The following TRMT10B variants were observed in gnomAD, a reference collection of about 807,000 sequenced individuals.
The protein encoded by TRMT10B is tRNA methyltransferase 10B.
In TRMT10B, 33 loss-of-function variants were observed where a neutral mutation model predicts 43.8. The observed-to-expected ratio is 0.75, with a 90% confidence interval of 0.57 to 1.01. TRMT10B has a LOEUF of 1.01. Among genes scored for constraint, TRMT10B ranks in the 50% least tolerant of loss-of-function variants. The probability of loss-of-function intolerance (pLI) is 0.00; values close to 1 mark genes in which losing one functional copy is unlikely to be tolerated. For missense variants in TRMT10B, 362 were observed against 369.8 expected (o/e 0.98, Z 0.17); for synonymous variants, 137 against 130.6 (o/e 1.05, Z -0.34).
At chr9:37,771,941 A>G (rs1158615955) in intron 7 of TRMT10B, among the ~76,000 whole-genome samples, 2 of 152,110 alleles carry the variant, frequency 1.3e-5, no homozygotes, top group Non-Finnish European at 2.9e-5. Flanking sequence ...CCTGGGCTCA[A>G]GCAATCCTCC....
chr9:37,755,063 G>A (rs895103147), intron 1 of TRMT10B, among the ~76,000 whole-genome samples: 1 of 152,100 alleles, frequency 6.6e-6, no homozygotes, highest in Non-Finnish European at 1.5e-5. Flanking sequence ...GAGGTCAGGA[G>A]ATCGAGACCA....
intron 1 of TRMT10B, among the ~76,000 whole-genome samples, chr9:37,756,564 G>T (rs572067997): frequency 2.4e-3 from 358 of 151,936 alleles, no homozygotes; most frequent in Admixed American, 4.1e-3. Context: ...AAATTAGCGT[G>T]GTGTGGTGGT....
intron 4 of TRMT10B, among the ~76,000 whole-genome samples, chr9:37,767,706 G>T (rs928977314): frequency 4.6e-5 from 7 of 151,708 alleles, no homozygotes; most frequent in African/African-American, 1.7e-4. Context: ...TTAGGAAGAA[G>T]GTACCAAATT....
intron 1 of TRMT10B, among the ~76,000 whole-genome samples, 165 bp from the exon 2 acceptor site, chr9:37,761,738 G>C (rs190092218): frequency 3.1e-4 from 47 of 152,290 alleles, no homozygotes; most frequent in Non-Finnish European, 4.1e-4. Context: ...TTTCTCTGCT[G>C]AATCATGTAT....
chr9:37,766,582 G>A (rs1341871626), intron 4 of TRMT10B, among the ~76,000 whole-genome samples: 2 of 152,136 alleles, frequency 1.3e-5, no homozygotes, highest in African/African-American at 4.8e-5. Flanking sequence ...GGTTCCATAT[G>A]AACTTTAAAG....
chr9:37,769,217 A>C (rs1486771143), intron 5 of TRMT10B, among the ~76,000 whole-genome samples: 1 of 143,608 alleles, frequency 7.0e-6, no homozygotes, highest in Non-Finnish European at 1.5e-5. Context: ...CTGAGGCAGG[A>C]GGATCACTTG....
chr9:37,770,124 C>G lies in TRMT10B; in HGVS notation c.652+105C>G, dbSNP rs1371471237. ...CCCTCAAGAAGGACACCCCTCCCCA[C>G]CCCCACAAAAAGTAATGCACATGAG... is the stretch of plus-strand genomic sequence containing the variant. On this transcript the variant is annotated intron_variant, in intron 6 of 8. Coordinates refer to ENST00000297994, the MANE Select transcript of TRMT10B (RefSeq NM_144964.4). 17 of 999,550 alleles carry G rather than the reference C, an allele frequency of 1.7e-5. No individual in the cohort carries two copies. In the East Asian group the frequency reaches 3.8e-4, roughly 22 times the overall value. The allele number at this position is 999,550 out of a possible 1,614,324, so 61.9% of individuals were successfully genotyped here.
At chr9:37,767,707 G>T (rs1283695608) in intron 4 of TRMT10B, among the ~76,000 whole-genome samples, 3 of 151,712 alleles carry the variant, frequency 2.0e-5, no homozygotes, top group Admixed American at 6.6e-5. Flanking sequence ...TAGGAAGAAG[G>T]TACCAAATTT....
intron 6 of TRMT10B, 41 bp downstream of exon 6, chr9:37,770,060 C>G: frequency 6.5e-7 from 1 of 1,538,024 alleles, no homozygotes; most frequent in Non-Finnish European, 9.0e-7. Flanking sequence ...CCCATTGTTC[C>G]TGTGTTTCAT....
At chr9:37,770,128 C>T (rs1326369128) in intron 6 of TRMT10B, 109 bp downstream of exon 6, 1 of 956,460 alleles carries the variant, frequency 1.0e-6, no homozygotes. Flanking sequence ...TCCCCACCCC[C>T]ACAAAAAGTA....
intron 8 of TRMT10B, 90 bp from the exon 9 acceptor site, chr9:37,777,508 TTTG>T: frequency 9.4e-7 from 1 of 1,064,764 alleles, no homozygotes; most frequent in East Asian, 2.4e-5. Flanking sequence ...GCAGAATAGG[TTTG>T]TTGAACGAAA....
chr9:37,762,977 CAAA>C (rs57643861), intron 3 of TRMT10B, among the ~76,000 whole-genome samples: 45 of 85,134 alleles, frequency 5.3e-4, no homozygotes, highest in Admixed American at 1.1e-3. Flanking sequence ...ACTAAAAATA[CAAA>C]AAAAAAAAAA....
chr9:37,772,506 C>T (rs958791616), intron 7 of TRMT10B, among the ~76,000 whole-genome samples: 1 of 152,076 alleles, frequency 6.6e-6, no homozygotes, highest in African/African-American at 2.4e-5. Context: ...GCCTTGAATT[C>T]TTGGACTCAA....
At chr9:37,760,017 A>G (rs1589011138) in intron 1 of TRMT10B, among the ~76,000 whole-genome samples, 1 of 152,308 alleles carries the variant, frequency 6.6e-6, no homozygotes, top group East Asian at 1.9e-4. Context: ...CAAAATCAAG[A>G]TAACTAATGA....
Position 37,778,015 on chromosome 9 carries a change from T to G in TRMT10B, c.*308T>G, listed in dbSNP as rs556713669. ...GCAAGACTCCATCTCAAAAAAAAAA[T>G]AAATAAAAAAAAATGCAGCTGCAGG... On this transcript the variant is annotated 3_prime_UTR_variant, in exon 9 of 9. Transcript: ENST00000297994. The G allele has an allele frequency of 4.9e-6, 1 of 204,416 alleles. No homozygotes were observed. The highest frequency in any genetic ancestry group is 9.9e-6 in the Non-Finnish European group (1 of 100,928). The allele number at this position is 204,416 out of a possible 1,614,324, so 12.7% of individuals were successfully genotyped here.
chr9:37,770,498 TTGTC>T (rs548787261), intron 6 of TRMT10B, among the ~76,000 whole-genome samples, 170 bp from the exon 7 acceptor site: 4 of 152,252 alleles, frequency 2.6e-5, no homozygotes, highest in Non-Finnish European at 4.4e-5. Context: ...TGCCAACAGT[TTGTC>T]TGTTTTATTG....
rs531681321 is a variant in TRMT10B at position 37,773,981 on chromosome 9, T to C, written c.721-2301T>C. Among the ~76,000 whole-genome samples the C allele has an allele frequency of 7.5e-4, 107 of 142,366 alleles. 3 individuals are homozygous for C. The South Asian group carries it at 0.022, about 29-fold the overall frequency. The allele number at this position is 142,366 out of a possible 152,430, so 93.4% of individuals were successfully genotyped here. On this transcript the variant is annotated intron_variant, in intron 7 of 8. Transcript: ENST00000297994. Reference sequence around the variant, plus strand: ...TAAAAAAAAAAAAAAAAAACAACAATAATAATAATTAAAAGTTTATTAGTC... The same window carrying C: ...TAAAAAAAAAAAAAAAAAACAACAACAATAATAATTAAAAGTTTATTAGTC...
At chr9:37,776,562 TTC>T (rs1828178377) in intron 8 of TRMT10B, 157 bp downstream of exon 8, 3 of 910,516 alleles carry the variant, frequency 3.3e-6, no homozygotes, top group Admixed American at 8.2e-5. Flanking sequence ...CTAAGAGGCA[TTC>T]TGTTTTCTTC....
In TRMT10B at chr9:37,761,959, C is replaced by A. The variant is rs1185508825; in HGVS notation, c.28C>A (p.Gln10Lys). Residue 10 changes from glutamine (Q) to lysine (K), a missense_variant, in exon 2 of 9, where the codon CAG becomes AAG. Physicochemically the swap from Gln to Lys is moderately conservative, Grantham distance 53 (BLOSUM62 1). Coordinates refer to ENST00000297994, the MANE Select transcript of TRMT10B (RefSeq NM_144964.4). MDWKLEGST[Q>K]KVESPVLQGQ... ...GGACTGGAAATTGGAAGGGAGTACT[C>A]AGAAAGTAGAGTCACCTGTGCTGCA... 3.7e-6 allele frequency: 6 copies of A among 1,613,626 alleles called. No individual in the cohort carries two copies. In the South Asian group the frequency reaches 6.6e-5, roughly 18 times the overall value.
Sources: allele counts gnomAD v4.1 joint callset (sites outside exome capture counted in the v4.1 genomes callset), GRCh38; gene constraint gnomAD v4.1.1; transcripts MANE v1.5; gene names NCBI Gene and HGNC (gene_info 2026-07-23, HGNC 2026-07-21).